Variants in ACSS3 observed in about 807,000 individuals in gnomAD.
ACSS3 encodes acyl-CoA synthetase short chain family member 3, also known as acyl-CoA synthetase short-chain family member 3, mitochondrial.
Under a neutral mutation model 84.2 loss-of-function variants are expected in ACSS3, and 64 were observed. The ratio of observed to expected loss-of-function variants is 0.76; its 90% CI spans 0.62 to 0.94. The LOEUF (loss-of-function observed/expected upper bound fraction) is 0.94. ACSS3 is among the 40% of genes least tolerant of loss of function. ACSS3 has a pLI of 0.00. For synonymous variants in ACSS3, 317 were observed against 310.1 expected, an observed-to-expected ratio of 1.02 and a Z score of -0.23; for missense variants, 815 against 867.6, an observed-to-expected ratio of 0.94 and a Z score of 0.76.
chr12:81,259,686 GT>G lies in ACSS3; in HGVS notation c.*4766del, dbSNP rs1048241989. ...CTAAAATATACAATGGATAGCATTAGTTCACTGAAAAGTCCCAGACTGGGAA... is the reference window on the plus strand; with the variant it reads ...CTAAAATATACAATGGATAGCATTAGTCACTGAAAAGTCCCAGACTGGGAA... On this transcript the variant is annotated 3_prime_UTR_variant, in exon 16 of 16. Coordinates refer to ENST00000548058, the MANE Select transcript of ACSS3 (RefSeq NM_024560.4). 13 of 1,532,164 alleles carry G rather than the reference GT, an allele frequency of 8.5e-6. No individual in the cohort carries two copies. Among genetic ancestry groups the G allele is most frequent in the Non-Finnish European group, 1.1e-5 (13 of 1,143,876 alleles). 94.9% of individuals were successfully genotyped at this position (1,532,164 alleles called of 1,614,324 possible).
At chr12:81,199,697 T>C in intron 9 of ACSS3, 1 of 1,396,408 alleles carries the variant, frequency 7.2e-7, no homozygotes, top group African/African-American at 1.4e-5. Context: ...TTCTCTTCTT[T>C]GTTTCTTATA....
At position 81,093,224 on chromosome 12, in the gene ACSS3, C is replaced by CG. The variant is rs1317626373; in HGVS notation, c.311+14795dup. 9.9e-5 allele frequency among the ~76,000 whole-genome samples: 15 copies of CG among 151,992 alleles called. No individual in the cohort carries two copies. In the East Asian group the frequency reaches 2.9e-3, roughly 29 times the overall value. ...TAGCACTTTGTGAGGCCAAGGTAAG[C>CG]GGATCAATTGGGGTCAGGAGTTCGA... On this transcript the variant is annotated intron_variant, in intron 1 of 15. Coordinates refer to ENST00000548058, the MANE Select transcript of ACSS3 (RefSeq NM_024560.4).
chr12:81,197,645 C>G (rs145930056), intron 8 of ACSS3, among the ~76,000 whole-genome samples: 322 of 152,224 alleles, frequency 2.1e-3, no homozygotes, highest in African/African-American at 7.0e-3. Context: ...CACTGTTAGA[C>G]CTTGTCAGCT....
At chr12:81,109,488 T>C in intron 1 of ACSS3, 72 bp from the exon 2 acceptor site, 3 of 1,515,122 alleles carry the variant, frequency 2.0e-6, no homozygotes, top group Middle Eastern at 2.3e-4. Flanking sequence ...AAACTAGAAA[T>C]ATAATAACTT....
chr12:81,223,717 A>G (rs2033183252), intron 11 of ACSS3, among the ~76,000 whole-genome samples: 2 of 152,044 alleles, frequency 1.3e-5, no homozygotes, highest in South Asian at 4.1e-4. Flanking sequence ...ATAACTTCAT[A>G]TGAAAATCTC....
intron 7 of ACSS3, among the ~76,000 whole-genome samples, chr12:81,158,091 G>A (rs969760793): frequency 1.3e-5 from 2 of 151,982 alleles, no homozygotes; most frequent in African/African-American, 4.8e-5. Flanking sequence ...CATCACGAAG[G>A]ATCCTTGTAG....
chr12:81,216,131 T>A (rs906083548), intron 9 of ACSS3, among the ~76,000 whole-genome samples: 1 of 148,924 alleles, frequency 6.7e-6, no homozygotes, highest in Non-Finnish European at 1.5e-5. Flanking sequence ...TATTATATAT[T>A]TTTTTAATTT....
At chr12:81,229,344 G>C (rs567545405) in intron 11 of ACSS3, among the ~76,000 whole-genome samples, 1 of 151,626 alleles carries the variant, frequency 6.6e-6, no homozygotes, top group South Asian at 2.1e-4. Flanking sequence ...ATCTCTCTTT[G>C]TCCATATTGA....
intron 8 of ACSS3, among the ~76,000 whole-genome samples, chr12:81,191,308 T>G (rs1011091729): frequency 2.6e-5 from 4 of 152,122 alleles, no homozygotes; most frequent in African/African-American, 9.7e-5. Context: ...CTAAAAATCT[T>G]CTATGCTCCA....
intron 1 of ACSS3, among the ~76,000 whole-genome samples, chr12:81,082,638 C>T (rs559039607): frequency 9.2e-5 from 14 of 152,258 alleles, no homozygotes; most frequent in East Asian, 7.7e-4. Context: ...AGAGCCATAT[C>T]GTGAATGGTC....
At chr12:81,213,951 C>T (rs1171275703) in intron 9 of ACSS3, among the ~76,000 whole-genome samples, 739 of 36,956 alleles carry the variant, frequency 0.02, 51 homozygotes, top group Non-Finnish European at 0.043. Flanking sequence ...CTCTCTCTCC[C>T]TCTCTCTCTT....
At chr12:81,105,253 A>C (rs773306431) in intron 1 of ACSS3, among the ~76,000 whole-genome samples, 16 of 152,194 alleles carry the variant, frequency 1.1e-4, no homozygotes, top group Non-Finnish European at 2.1e-4. Context: ...TTTTTTAGAA[A>C]GTTTCCATAA....
chr12:81,080,728 C>G (rs1880918671), intron 1 of ACSS3, among the ~76,000 whole-genome samples: 1 of 152,146 alleles, frequency 6.6e-6, no homozygotes, highest in Non-Finnish European at 1.5e-5. Flanking sequence ...GAAGGGCAGA[C>G]TGAATTTACT....
intron 1 of ACSS3, among the ~76,000 whole-genome samples, chr12:81,108,965 G>C (rs1050920098): frequency 1.3e-5 from 2 of 152,050 alleles, no homozygotes; most frequent in Non-Finnish European, 2.9e-5. Flanking sequence ...GAATTGCAAA[G>C]GCTTTCAAAA....
intron 1 of ACSS3, among the ~76,000 whole-genome samples, chr12:81,082,023 C>T (rs191274256): frequency 1.1e-3 from 169 of 152,318 alleles, no homozygotes; most frequent in African/African-American, 3.9e-3. Flanking sequence ...TGAAGGAACT[C>T]ACCACACAGC....
At chr12:81,171,576 G>A (rs906773752) in intron 7 of ACSS3, among the ~76,000 whole-genome samples, 5 of 152,030 alleles carry the variant, frequency 3.3e-5, no homozygotes, top group Admixed American at 2.0e-4. Context: ...TTTATGAATC[G>A]CTTCTTTACT....
intron 7 of ACSS3, among the ~76,000 whole-genome samples, chr12:81,161,950 C>A (rs1223989360): frequency 3.3e-5 from 5 of 152,188 alleles, no homozygotes; most frequent in Non-Finnish European, 7.3e-5. Flanking sequence ...ATGCCAGGAA[C>A]TGCAGAGCCC....
At chr12:81,151,540 G>T in intron 5 of ACSS3, 1 of 235,526 alleles carries the variant, frequency 4.2e-6, no homozygotes. Context: ...TTGATAATGT[G>T]TGGTGCCATT....
rs576887813 is a variant in ACSS3 at position 81,098,122 on chromosome 12, C to G, written c.312-11438C>G. Among the ~76,000 whole-genome samples the G allele has an allele frequency of 1.1e-4, 16 of 146,468 alleles. No homozygotes were observed. In the East Asian group the frequency reaches 3.3e-3, roughly 30 times the overall value. ...AGGTGAATTGGCATATCTAAATGGT[C>G]CCAGTATGAGAGAGAGAGAGAGAGA... On this transcript the variant is annotated intron_variant, in intron 1 of 15. Coordinates refer to ENST00000548058, the MANE Select transcript of ACSS3 (RefSeq NM_024560.4).
Sources: gnomAD v4.1 joint callset for allele counts (sites outside exome capture counted in the v4.1 genomes callset) on GRCh38, gnomAD v4.1.1 for gene constraint, MANE v1.5 for transcripts, NCBI Gene and HGNC (gene_info 2026-07-23, HGNC 2026-07-21) for gene names.